The following DPP6 variants were observed in gnomAD, a reference collection of about 807,000 sequenced individuals.
DPP6 encodes A-type potassium channel modulatory protein DPP6.
In DPP6, 69 loss-of-function variants were observed where a neutral mutation model predicts 122.6. The observed-to-expected ratio is 0.56, with a 90% confidence interval of 0.46 to 0.69. The LOEUF is 0.69. Ranked by LOEUF, DPP6 falls within the 30% of genes least tolerant of loss-of-function variation. The probability of loss-of-function intolerance (pLI) is 0.00; values close to 1 mark genes in which losing one functional copy is unlikely to be tolerated. For synonymous variants in DPP6, 418 were observed against 433.1 expected, an observed-to-expected ratio of 0.97 and a Z score of 0.43; for missense variants, 928 against 1,116.9, an observed-to-expected ratio of 0.83 and a Z score of 2.41.
At chr7:154,643,747 C>T (rs781318685) in intron 6 of DPP6, among the ~76,000 whole-genome samples, 71 of 152,230 alleles carry the variant, frequency 4.7e-4, no homozygotes, top group Middle Eastern at 6.8e-3. Flanking sequence ...GGATTACAGG[C>T]GTGAAGTGAG....
chr7:154,117,696 C>T (rs1449666654), intron 1 of DPP6, among the ~76,000 whole-genome samples: 5 of 152,056 alleles, frequency 3.3e-5, no homozygotes, highest in Non-Finnish European at 5.9e-5. Flanking sequence ...GTAGAGACTG[C>T]TGCTTAATGA....
chr7:153,753,789 T>C, the DPP6 span, among the ~76,000 whole-genome samples: 9 of 152,174 alleles, frequency 5.9e-5, no homozygotes, highest in African/African-American at 1.9e-4. Flanking sequence ...ACTTGGTGCC[T>C]CTCTGATGAA....
chr7:153,895,351 C>T (rs1207833302), intron 1 of DPP6, among the ~76,000 whole-genome samples: 1 of 152,176 alleles, frequency 6.6e-6, no homozygotes, highest in African/African-American at 2.4e-5. Flanking sequence ...CTGCTGTTTC[C>T]TCATGTGTCG....
rs116116452 is a variant in DPP6 at position 154,312,708 on chromosome 7, T to C, written c.244-133506T>C. 4.4e-3 allele frequency among the ~76,000 whole-genome samples: 667 copies of C among 152,268 alleles called. 4 individuals are homozygous for C. Among genetic ancestry groups the C allele is most frequent in the African/African-American group, 0.015 (629 of 41,562 alleles). On this transcript the variant is annotated intron_variant, in intron 1 of 25. Transcript: ENST00000377770. Reference sequence around the variant, plus strand: ...ATGGCGGGGCTCTCTCAAAACACTTTAAAAGGCCGAAGTCCATCTTGTGGA... The same window carrying C: ...ATGGCGGGGCTCTCTCAAAACACTTCAAAAGGCCGAAGTCCATCTTGTGGA...
At chr7:154,063,810 A>G (rs1371922742) in intron 1 of DPP6, among the ~76,000 whole-genome samples, 2 of 151,514 alleles carry the variant, frequency 1.3e-5, no homozygotes, top group Non-Finnish European at 1.5e-5. Context: ...GGTGTCCTAG[A>G]AGAAAGTTCA....
chr7:154,725,171 G>A (rs1328679087), intron 7 of DPP6, among the ~76,000 whole-genome samples: 3 of 152,134 alleles, frequency 2.0e-5, no homozygotes, highest in Non-Finnish European at 4.4e-5. Flanking sequence ...GGTGCCCACT[G>A]CATAATTGTT....
chr7:153,983,295 C>T (rs1459974066), intron 1 of DPP6, among the ~76,000 whole-genome samples: 2 of 152,244 alleles, frequency 1.3e-5, no homozygotes, highest in African/African-American at 2.4e-5. Context: ...CTTGGCCGTG[C>T]TGCCATGGGC....
intron 5 of DPP6, among the ~76,000 whole-genome samples, chr7:154,613,473 G>A (rs887218282): frequency 3.3e-5 from 5 of 151,782 alleles, no homozygotes; most frequent in Non-Finnish European, 7.4e-5. Flanking sequence ...TACAAAATTA[G>A]CCAGGCATGG....
At chr7:153,833,943 T>G in the DPP6 span, among the ~76,000 whole-genome samples, 9 of 152,190 alleles carry the variant, frequency 5.9e-5, no homozygotes, top group Non-Finnish European at 1.3e-4. Flanking sequence ...TCTTAAAATA[T>G]CTGTTGTACT....
At position 154,794,187 on chromosome 7, in the gene DPP6, G is replaced by A. The variant is rs550817610; in HGVS notation, c.1245G>A (p.Thr415=). ...VSILTLCDAT[T]GVCTKKHEDE... ...TCCTCACCCTCTGCGACGCCACCAC[G>A]GGGGTCTGCACGAAGGTACGCGGGG... is the stretch of plus-strand genomic sequence containing the variant. Residue 415 remains threonine (T), a synonymous_variant, in exon 11 of 26, where the codon ACG becomes ACA. Transcript: ENST00000377770. 17 of 1,610,520 alleles carry A rather than the reference G, an allele frequency of 1.1e-5. No individual in the cohort carries two copies. The highest frequency in any genetic ancestry group is 3.4e-6 in the Non-Finnish European group (4 of 1,178,278).
At chr7:154,623,781 A>G (rs1376042535) in intron 5 of DPP6, among the ~76,000 whole-genome samples, 1 of 152,266 alleles carries the variant, frequency 6.6e-6, no homozygotes, top group Non-Finnish European at 1.5e-5. Context: ...TACCAATATT[A>G]CCATTTATCA....
At chr7:153,951,911 T>G (rs1802235349) in intron 1 of DPP6, among the ~76,000 whole-genome samples, 1 of 152,026 alleles carries the variant, frequency 6.6e-6, no homozygotes, top group South Asian at 2.1e-4. Context: ...GGCGTGGTGG[T>G]GCATGCCTGT....
At chr7:154,044,813 C>G (rs1215723087) in intron 1 of DPP6, among the ~76,000 whole-genome samples, 4 of 152,140 alleles carry the variant, frequency 2.6e-5, no homozygotes, top group Admixed American at 2.0e-4. Flanking sequence ...TAATTAAGGA[C>G]AGGATTTTTT....
chr7:154,268,565 A>G (rs960538393), intron 1 of DPP6, among the ~76,000 whole-genome samples: 1 of 152,194 alleles, frequency 6.6e-6, no homozygotes, highest in African/African-American at 2.4e-5. Context: ...ATTGAAGGTT[A>G]GGATTCTGAC....
chr7:154,578,105 C>T (rs1331755016), intron 5 of DPP6, among the ~76,000 whole-genome samples: 1 of 152,170 alleles, frequency 6.6e-6, no homozygotes, highest in Non-Finnish European at 1.5e-5. Flanking sequence ...GCCCTTTTAG[C>T]ACAGGGTTAA....
chr7:153,785,634 G>A, the DPP6 span, among the ~76,000 whole-genome samples: 1 of 152,142 alleles, frequency 6.6e-6, no homozygotes, highest in Non-Finnish European at 1.5e-5. Flanking sequence ...ATTGGGAAAT[G>A]GGTACTATAT....
chr7:154,727,020 G>A lies in DPP6; in HGVS notation c.763-747G>A, dbSNP rs540549872. Among the ~76,000 whole-genome samples, 3 of 152,244 alleles carry A rather than the reference G, an allele frequency of 2.0e-5. No homozygotes were observed. The East Asian group carries it at 5.8e-4, about 29-fold the overall frequency. ...CTCTGTCTTCTGAGTCCTTCAACCT[G>A]TTCCAACCTCTGCCTATTACCAAGT... On this transcript the variant is annotated intron_variant, in intron 7 of 25. Coordinates refer to ENST00000377770, the MANE Select transcript of DPP6 (RefSeq NM_130797.4).
rs537523837 is a variant in DPP6 at position 154,751,660 on chromosome 7, G to A, written c.884-17757G>A. Among the ~76,000 whole-genome samples, 32 of 151,360 alleles carry A rather than the reference G, an allele frequency of 2.1e-4. No individual in the cohort carries two copies. The South Asian group carries it at 3.2e-3, about 15-fold the overall frequency. ...AAACTCAAAGGGTCATGTCATCTCC[G>A]TCATCTCCTAAGTGCTGCACCACTA... On this transcript the variant is annotated intron_variant, in intron 8 of 25. Coordinates refer to ENST00000377770, the MANE Select transcript of DPP6 (RefSeq NM_130797.4).
chr7:154,054,624 G>A (rs1800662501), intron 1 of DPP6, among the ~76,000 whole-genome samples: 1 of 151,960 alleles, frequency 6.6e-6, no homozygotes, highest in Admixed American at 6.6e-5. Flanking sequence ...AGCCCTGAGG[G>A]AAATAGACAG....
Sources: gnomAD v4.1 joint callset for allele counts (sites outside exome capture counted in the v4.1 genomes callset) on GRCh38, gnomAD v4.1.1 for gene constraint, MANE v1.5 for transcripts, NCBI Gene and HGNC (gene_info 2026-07-23, HGNC 2026-07-21) for gene names.